Variants in ZFPM2 observed in about 807,000 individuals in gnomAD.
ZFPM2 encodes zinc finger protein ZFPM2.
Under a neutral mutation model 98.6 loss-of-function variants are expected in ZFPM2, and 20 were observed. The observed-to-expected ratio is 0.20, with a 90% CI of 0.14 to 0.29. The LOEUF (loss-of-function observed/expected upper bound fraction) is 0.29. Ranked by LOEUF, ZFPM2 falls within the 10% of genes least tolerant of loss-of-function variation. The probability of loss-of-function intolerance (pLI) is 1.00; values close to 1 mark genes in which losing one functional copy is unlikely to be tolerated. For missense variants in ZFPM2, 1,310 were observed against 1,388.6 expected (o/e 0.94, Z 0.90); for synonymous variants, 518 against 502.7 (o/e 1.03, Z -0.41).
At chr8:105,596,084 T>C (rs889318980) in intron 4 of ZFPM2, among the ~76,000 whole-genome samples, 3 of 151,776 alleles carry the variant, frequency 2.0e-5, no homozygotes, top group African/African-American at 7.3e-5. Context: ...TTTTGTTATT[T>C]AGTAGACACT....
intron 5 of ZFPM2, among the ~76,000 whole-genome samples, chr8:105,704,464 T>G (rs1811211755): frequency 6.6e-6 from 1 of 152,142 alleles, no homozygotes; most frequent in African/African-American, 2.4e-5. Flanking sequence ...GATGCAGAAT[T>G]AAGCTATATC....
intron 1 of ZFPM2, among the ~76,000 whole-genome samples, chr8:105,347,331 A>G (rs1482369306): frequency 6.6e-6 from 1 of 152,206 alleles, no homozygotes; most frequent in African/African-American, 2.4e-5. Context: ...TATTTTTTTC[A>G]TAGCTTGTGA....
At chr8:105,453,364 A>G (rs911912884) in intron 3 of ZFPM2, among the ~76,000 whole-genome samples, 5 of 152,256 alleles carry the variant, frequency 3.3e-5, no homozygotes, top group African/African-American at 1.2e-4. Context: ...ATGATACCAT[A>G]AAACTATATT....
intron 3 of ZFPM2, among the ~76,000 whole-genome samples, chr8:105,465,159 A>G (rs1812775605): frequency 1.3e-5 from 2 of 152,008 alleles, no homozygotes; most frequent in South Asian, 2.1e-4. Flanking sequence ...TGTGGAAGAT[A>G]CATTTATCTG....
At chr8:105,673,870 T>G (rs1237305488) in intron 5 of ZFPM2, among the ~76,000 whole-genome samples, 1 of 152,310 alleles carries the variant, frequency 6.6e-6, no homozygotes, top group South Asian at 2.1e-4. Context: ...ACTGGCTGGA[T>G]GAATTATGCC....
intron 1 of ZFPM2, among the ~76,000 whole-genome samples, chr8:105,375,079 T>A (rs1810696784): frequency 6.6e-6 from 1 of 152,190 alleles, no homozygotes; most frequent in Non-Finnish European, 1.5e-5. Context: ...TTGGAGATAA[T>A]AATTTGTGAC....
intron 1 of ZFPM2, among the ~76,000 whole-genome samples, chr8:105,404,042 A>G (rs112279273): frequency 0.027 from 3,725 of 138,230 alleles, 128 homozygotes; most frequent in African/African-American, 0.093. Flanking sequence ...AACAACAACA[A>G]CAGCAGCATA....
intron 1 of ZFPM2, among the ~76,000 whole-genome samples, chr8:105,416,779 G>C (rs1314924431): frequency 2.6e-5 from 4 of 151,744 alleles, no homozygotes; most frequent in African/African-American, 9.7e-5. Context: ...CTGACTTTGG[G>C]GAGGTGTCTA....
intron 3 of ZFPM2, among the ~76,000 whole-genome samples, chr8:105,531,401 A>C (rs1375374087): frequency 6.6e-6 from 1 of 152,046 alleles, no homozygotes; most frequent in Non-Finnish European, 1.5e-5. Context: ...TGGCCTGTAG[A>C]TGTGTCATTC....
chr8:105,335,484 T>C (rs1812310340), intron 1 of ZFPM2, among the ~76,000 whole-genome samples: 1 of 151,772 alleles, frequency 6.6e-6, no homozygotes, highest in African/African-American at 2.4e-5. Context: ...GGAGAACTAA[T>C]TTTTTGGGAA....
At chr8:105,717,708 G>T (rs770047630) in intron 5 of ZFPM2, among the ~76,000 whole-genome samples, 5 of 151,806 alleles carry the variant, frequency 3.3e-5, no homozygotes, top group African/African-American at 4.8e-5. Context: ...ATTTAGTAAA[G>T]GAGCATAATT....
Position 105,798,705 on chromosome 8 carries a change from CTT to C in ZFPM2, c.740-18_740-17del. ...CAAATGGACAGCAGCAAATGTGTCTCTTGTGTTTTTACCTGCAGAGGATATAT... is the reference window on the plus strand; with the variant it reads ...CAAATGGACAGCAGCAAATGTGTCTCGTGTTTTTACCTGCAGAGGATATAT... On this transcript the variant is annotated splice_polypyrimidine_tract_variant and intron_variant, in intron 6 of 7. Coordinates refer to ENST00000407775, the MANE Select transcript of ZFPM2 (RefSeq NM_012082.4). 6.2e-7 allele frequency: 1 copy of C among 1,601,162 alleles called. No homozygotes were observed. Among genetic ancestry groups the C allele is most frequent in the Non-Finnish European group, 8.5e-7 (1 of 1,171,896 alleles).
intron 3 of ZFPM2, among the ~76,000 whole-genome samples, chr8:105,448,899 A>G (rs545226718): frequency 5.9e-5 from 9 of 152,128 alleles, no homozygotes; most frequent in South Asian, 2.1e-4. Flanking sequence ...AGACTGACCA[A>G]TGGTTGGAAT....
At chr8:105,516,648 A>T (rs1253150417) in intron 3 of ZFPM2, among the ~76,000 whole-genome samples, 1 of 152,184 alleles carries the variant, frequency 6.6e-6, no homozygotes, top group Admixed American at 6.5e-5. Context: ...TGATGAAATG[A>T]ATAATTTATA....
intron 3 of ZFPM2, among the ~76,000 whole-genome samples, chr8:105,555,417 G>A (rs1320962568): frequency 6.6e-6 from 1 of 152,034 alleles, no homozygotes; most frequent in Non-Finnish European, 1.5e-5. Context: ...GATGCTTGTT[G>A]TAATACAAAG....
At chr8:105,572,559 C>T (rs897010659) in intron 4 of ZFPM2, among the ~76,000 whole-genome samples, 5 of 151,962 alleles carry the variant, frequency 3.3e-5, no homozygotes, top group African/African-American at 1.2e-4. Context: ...CCTCCGCCTC[C>T]CAGGTTCAAG....
chr8:105,440,012 A>G (rs1303607428), intron 2 of ZFPM2, among the ~76,000 whole-genome samples: 1 of 152,206 alleles, frequency 6.6e-6, no homozygotes, highest in African/African-American at 2.4e-5. Flanking sequence ...ACTCAAGAAG[A>G]TTAAGATGGT....
At chr8:105,416,711 A>G (rs1314435258) in intron 1 of ZFPM2, among the ~76,000 whole-genome samples, 1 of 151,898 alleles carries the variant, frequency 6.6e-6, no homozygotes, top group East Asian at 1.9e-4. Flanking sequence ...ATTATAAATT[A>G]TGTAAATAAA....
chr8:105,468,188 T>C (rs1397711920), intron 3 of ZFPM2, among the ~76,000 whole-genome samples: 2 of 151,984 alleles, frequency 1.3e-5, no homozygotes, highest in South Asian at 2.1e-4. Flanking sequence ...TTTTTCTCCA[T>C]TGTCACTTGC....
Sources: allele counts gnomAD v4.1 joint callset (sites outside exome capture counted in the v4.1 genomes callset), GRCh38; gene constraint gnomAD v4.1.1; transcripts MANE v1.5; gene names NCBI Gene and HGNC (gene_info 2026-07-23, HGNC 2026-07-21).